Variants in CACNG8 observed in about 807,000 individuals in gnomAD.
CACNG8 encodes the protein voltage-dependent calcium channel gamma-8 subunit.
Under a neutral mutation model 26.9 loss-of-function variants are expected in CACNG8, and 5 were observed. The ratio of observed to expected loss-of-function variants is 0.19; its 90% confidence interval spans 0.10 to 0.39. The LOEUF is 0.39. CACNG8 is among the 10% of genes least tolerant of loss of function. The pLI is 1.00. For missense variants in CACNG8, 473 were observed against 609.4 expected, an observed-to-expected ratio of 0.78 and a Z score of 2.36; for synonymous variants, 321 against 296.7, an observed-to-expected ratio of 1.08 and a Z score of -0.84.
intron 1 of CACNG8, among the ~76,000 whole-genome samples, chr19:53,966,234 T>A (rs1480058986): frequency 6.6e-6 from 1 of 151,642 alleles, no homozygotes; most frequent in Non-Finnish European, 1.5e-5. Flanking sequence ...ATCACAGGTG[T>A]GTGCCACCAT....
chr19:53,967,902 T>A (rs2069280458), intron 1 of CACNG8, among the ~76,000 whole-genome samples: 1 of 152,184 alleles, frequency 6.6e-6, no homozygotes, highest in Admixed American at 6.5e-5. Context: ...TTCTTTGACA[T>A]TTTCTCAATC....
chr19:53,973,293 G>T (rs2069312756), intron 1 of CACNG8, among the ~76,000 whole-genome samples: 1 of 151,920 alleles, frequency 6.6e-6, no homozygotes, highest in Admixed American at 6.6e-5. Flanking sequence ...AGGCTGACGT[G>T]GGTGGATCAC....
chr19:53,973,179 T>C (rs781755918), intron 1 of CACNG8, among the ~76,000 whole-genome samples: 1 of 152,188 alleles, frequency 6.6e-6, no homozygotes, highest in Non-Finnish European at 1.5e-5. Context: ...CTCAGTCTCA[T>C]TTAATCATCA....
chr19:53,986,960 C>T lies in CACNG8; in HGVS notation c.*4111C>T, dbSNP rs1292018191. ...ACAGAGGCACAGGGTAGGGGCTGAT[C>T]AGTTAGGGCCTTGGATCCTTGGGAA... On this transcript the variant is annotated 3_prime_UTR_variant, in exon 4 of 4. Coordinates refer to ENST00000270458, the MANE Select transcript of CACNG8 (RefSeq NM_031895.6). 6.6e-6 allele frequency: 1 copy of T among 152,194 alleles called. No homozygotes were observed. Among genetic ancestry groups the T allele is most frequent in the Admixed American group, 6.6e-5 (1 of 15,264 alleles). 9.4% of individuals were successfully genotyped at this position (152,194 alleles called of 1,614,324 possible). A position where few individuals can be genotyped will look rare whatever the true frequency, so the allele number is the denominator to read the frequency against.
At chr19:53,964,147 G>A (rs892263249) in intron 1 of CACNG8, among the ~76,000 whole-genome samples, 6 of 151,530 alleles carry the variant, frequency 4.0e-5, no homozygotes, top group Non-Finnish European at 7.4e-5. Flanking sequence ...CTGCTCCTCC[G>A]CTCCACCTGC....
intron 3 of CACNG8, 87 bp from the exon 4 acceptor site, chr19:53,981,993 C>T: frequency 2.2e-6 from 3 of 1,336,640 alleles, no homozygotes; most frequent in South Asian, 1.6e-5. Flanking sequence ...CCTGGGCCCG[C>T]TGGCGCAGGC....
Position 53,982,265 on chromosome 19 carries a change from C to G in CACNG8, c.694C>G (p.Arg232Gly). ...CGTCAACATCTACATCGAGCGCAGCCGCGAGGCGCACTGCCAGTCTCGCTC... is the reference window on the plus strand; with the variant it reads ...CGTCAACATCTACATCGAGCGCAGCGGCGAGGCGCACTGCCAGTCTCGCTC... The change falls in exon 4 of 4, where the codon CGC (arginine) becomes GGC (glycine). Residue 232 changes from arginine to glycine, a missense_variant. Arg to Gly is a moderately radical substitution (Grantham distance 125). Around this residue, in one of 6 missense-constraint regions of CACNG8, gnomAD observed 155 missense variants for 253.0 expected, o/e 0.61. Coordinates refer to ENST00000270458, the MANE Select transcript of CACNG8 (RefSeq NM_031895.6). This position sits in a 1 kb window ranked among gnomAD's most constrained non-coding sequence, Gnocchi z 8.4. 6.2e-7 allele frequency: 1 copy of G among 1,612,262 alleles called. No homozygotes were observed.
At chr19:53,977,090 G>A (rs985729903) in intron 1 of CACNG8, among the ~76,000 whole-genome samples, 2 of 152,194 alleles carry the variant, frequency 1.3e-5, no homozygotes, top group African/African-American at 2.4e-5. Flanking sequence ...AGCTTACCGA[G>A]GACGAAGAAG....
intron 3 of CACNG8, among the ~76,000 whole-genome samples, chr19:53,980,250 G>C (rs182801033): frequency 1.3e-5 from 2 of 152,046 alleles, no homozygotes; most frequent in East Asian, 3.9e-4. Flanking sequence ...GGAGTAAACC[G>C]ACACAGGCAG....
Position 53,968,768 on chromosome 19 carries a change from C to CAAAAAA in CACNG8, c.283+5361_283+5366dup, listed in dbSNP as rs34461203. Among the ~76,000 whole-genome samples the CAAAAAA allele has an allele frequency of 9.2e-3, 463 of 50,310 alleles. 28 individuals carry two copies. Among genetic ancestry groups the CAAAAAA allele is most frequent in the African/African-American group, 0.038 (403 of 10,524 alleles). The allele number at this position is 50,310 out of a possible 152,430, so 33.0% of individuals were successfully genotyped here. On this transcript the variant is annotated intron_variant, in intron 1 of 3. Coordinates refer to ENST00000270458, the MANE Select transcript of CACNG8 (RefSeq NM_031895.6). The stretch of plus-strand genomic sequence containing the variant: ...TGGGCAACAGAGTGAGACTCTATCT[C>CAAAAAA]AAAAAAAAAAAAAAAAAAAAAAAGG...
chr19:53,979,208 G>GC (rs1419933558), intron 2 of CACNG8, among the ~76,000 whole-genome samples: 2 of 147,384 alleles, frequency 1.4e-5, no homozygotes, highest in Non-Finnish European at 3.0e-5. Context: ...AAGCGGGGTG[G>GC]GGGGGGACCT....
At chr19:53,972,555 T>C (rs1035279327) in intron 1 of CACNG8, among the ~76,000 whole-genome samples, 6 of 151,340 alleles carry the variant, frequency 4.0e-5, no homozygotes, top group African/African-American at 1.5e-4. Context: ...AGAGACAGGG[T>C]TTCACCACAT....
In CACNG8 at chr19:53,982,695, A is replaced by C. The variant is rs2069379962; in HGVS notation, c.1124A>C (p.Glu375Ala). ...ACGCTGCACAACGCCTTCCCCAAGG[A>C]GGCGGGCGGCGGCGTCACGGTCACG... is the stretch of plus-strand genomic sequence containing the variant. Residue 375 changes from glutamate to alanine, a missense_variant, in exon 4 of 4, where the codon GAG becomes GCG. By Grantham distance (107) the Glu-to-Ala change is moderately radical (BLOSUM62 -1). Around this residue, in one of 6 missense-constraint regions of CACNG8, gnomAD observed 212 missense variants for 214.4 expected, o/e 0.99. Transcript: ENST00000270458. The surrounding 1 kb of genome is among the most constrained non-coding windows in gnomAD (Gnocchi z 8.4). 1.8e-6 allele frequency: 2 copies of C among 1,139,072 alleles called. No homozygotes were observed. The highest frequency in any genetic ancestry group is 2.1e-6 in the Non-Finnish European group (2 of 934,122). The allele number at this position is 1,139,072 out of a possible 1,614,324, so 70.6% of individuals were successfully genotyped here.
In CACNG8 at chr19:53,978,136, G is replaced by A. The variant is rs767703905; in HGVS notation, c.284-10G>A. ...ATCCGCCCCCACCACTGCCCTCCCC[G>A]CTCCTCCAGGGTTGAAAAGAGGCGT... is the stretch of plus-strand genomic sequence containing the variant. On this transcript the variant is annotated splice_polypyrimidine_tract_variant and intron_variant, in intron 1 of 3. Transcript: ENST00000270458. 5.1e-6 allele frequency: 7 copies of A among 1,362,816 alleles called. No individual in the cohort carries two copies. Among genetic ancestry groups the A allele is most frequent in the Admixed American group, 1.8e-5 (1 of 54,698 alleles). The allele number at this position is 1,362,816 out of a possible 1,614,324, so 84.4% of individuals were successfully genotyped here. A position where few individuals can be genotyped will look rare whatever the true frequency, so the allele number is the denominator to read the frequency against.
chr19:53,982,030 G>T lies in CACNG8; in HGVS notation c.509-50G>T. On this transcript the variant is annotated intron_variant, in intron 3 of 3. Transcript: ENST00000270458. This position sits in a 1 kb window ranked among gnomAD's most constrained non-coding sequence, Gnocchi z 8.4. ...GGCAGGGGTCGGGGCCGGGGGCGGG[G>T]GCGGGGCCGGGGGTGGCCTCGAGGC... 1 of 1,506,722 alleles carries T rather than the reference G, an allele frequency of 6.6e-7. No homozygotes were observed. Among genetic ancestry groups the T allele is most frequent in the Non-Finnish European group, 8.8e-7 (1 of 1,132,538 alleles). The allele number at this position is 1,506,722 out of a possible 1,614,324, so 93.3% of individuals were successfully genotyped here.
At position 53,989,029 on chromosome 19, in the gene CACNG8, A is replaced by T; in HGVS notation, c.*6180A>T. On this transcript the variant is annotated 3_prime_UTR_variant, in exon 4 of 4. Coordinates refer to ENST00000270458, the MANE Select transcript of CACNG8 (RefSeq NM_031895.6). ...ATGCCTGTAATCCCAGCACTCTGGGAGGCCAAGACAGGAGGATTGCTTGAG... is the reference window on the plus strand; with the variant it reads ...ATGCCTGTAATCCCAGCACTCTGGGTGGCCAAGACAGGAGGATTGCTTGAG... 1 of 152,248 alleles carries T rather than the reference A, an allele frequency of 6.6e-6. No individual in the cohort carries two copies. The highest frequency in any genetic ancestry group is 1.9e-4 in the East Asian group (1 of 5,192). 9.4% of individuals were successfully genotyped at this position (152,248 alleles called of 1,614,324 possible).
Position 53,963,100 on chromosome 19 carries a change from GC to G in CACNG8, c.-39del. On this transcript the variant is annotated 5_prime_UTR_variant, in exon 1 of 4. Transcript: ENST00000270458. ...CCGCCGGCACGGCCCCGCCCCCGCT[GC>G]CCCGGTGGTGGCCCACGGCCCCCCG... is the stretch of plus-strand genomic sequence containing the variant. The G allele has an allele frequency of 7.3e-7, 1 of 1,369,478 alleles. No homozygotes were observed. 84.8% of individuals were successfully genotyped at this position (1,369,478 alleles called of 1,614,324 possible).
Position 53,985,726 on chromosome 19 carries a change from C to G in CACNG8, c.*2877C>G, listed in dbSNP as rs2069403100. 2 of 151,862 alleles carry G rather than the reference C, an allele frequency of 1.3e-5. No individual in the cohort carries two copies. Among genetic ancestry groups the G allele is most frequent in the African/African-American group, 2.4e-5 (1 of 41,286 alleles). 9.4% of individuals were successfully genotyped at this position (151,862 alleles called of 1,614,324 possible). Reference sequence around the variant, plus strand: ...GTGCACGCCTGTAGTCCCGGCTACTCAGGAGGCTGAGGTGAAAGGATCTCG... The same window carrying G: ...GTGCACGCCTGTAGTCCCGGCTACTGAGGAGGCTGAGGTGAAAGGATCTCG... On this transcript the variant is annotated 3_prime_UTR_variant, in exon 4 of 4. Coordinates refer to ENST00000270458, the MANE Select transcript of CACNG8 (RefSeq NM_031895.6).
rs2069401537 is a variant in CACNG8 at position 53,985,463 on chromosome 19, A to C, written c.*2614A>C. The C allele has an allele frequency of 6.6e-6, 1 of 152,350 alleles. No homozygotes were observed. The highest frequency in any genetic ancestry group is 2.1e-4 in the South Asian group (1 of 4,832). 9.4% of individuals were successfully genotyped at this position (152,350 alleles called of 1,614,324 possible). On this transcript the variant is annotated 3_prime_UTR_variant, in exon 4 of 4. Coordinates refer to ENST00000270458, the MANE Select transcript of CACNG8 (RefSeq NM_031895.6). ...TTCAGGAAGAGATGCTGGGAAATGTAGGAAAAGGAATACAAATCAGTGAGA... is the reference window on the plus strand; with the variant it reads ...TTCAGGAAGAGATGCTGGGAAATGTCGGAAAAGGAATACAAATCAGTGAGA...
Sources: allele counts gnomAD v4.1 joint callset (sites outside exome capture counted in the v4.1 genomes callset), GRCh38; gene constraint gnomAD v4.1.1; regional missense constraint gnomAD v4.1.1; non-coding constraint Gnocchi (gnomAD v3.1); transcripts MANE v1.5; gene names NCBI Gene and HGNC (gene_info 2026-07-23, HGNC 2026-07-21).